The following C11orf65 variants were observed in gnomAD, a reference collection of about 807,000 sequenced individuals.
C11orf65 encodes protein MFI.
In C11orf65, 38 loss-of-function variants were observed where a neutral mutation model predicts 35.3. The observed-to-expected ratio is 1.08, with a 90% CI of 0.83 to 1.41. C11orf65 has a LOEUF of 1.41. Ranked by LOEUF, C11orf65 falls within the 40% of genes most tolerant of loss-of-function variation. The pLI is 0.00. For synonymous variants in C11orf65, 105 were observed against 114.4 expected (o/e 0.92, Z 0.53); for missense variants, 370 against 367.1 (o/e 1.01, Z -0.06).
chr11:108,427,449 C>CA (rs1565681803), intron 3 of C11orf65, among the ~76,000 whole-genome samples: 4 of 398 alleles, frequency 0.01, no homozygotes, highest in African/African-American at 0.017. Context: ...CGGCCGGGCG[C>CA]GGGCTGACGC....
At chr11:108,409,394 T>C (rs2092615358) in intron 3 of C11orf65, among the ~76,000 whole-genome samples, 2 of 152,156 alleles carry the variant, frequency 1.3e-5, no homozygotes, top group South Asian at 4.1e-4. Flanking sequence ...ATGAGGTATA[T>C]ATGGTATGTA....
chr11:108,374,931 T>C (rs1005867014), intron 2 of C11orf65, among the ~76,000 whole-genome samples: 8 of 151,912 alleles, frequency 5.3e-5, no homozygotes, highest in African/African-American at 1.7e-4. Context: ...AAGGGAAGTT[T>C]AGAGAAAAAA....
chr11:108,364,883 A>G (rs984648531), intron 2 of C11orf65, among the ~76,000 whole-genome samples: 1 of 152,224 alleles, frequency 6.6e-6, no homozygotes, highest in African/African-American at 2.4e-5. Flanking sequence ...GGAAGAATGA[A>G]TTCAGAATGA....
At chr11:108,323,813 T>C (rs557446552) in intron 6 of C11orf65, among the ~76,000 whole-genome samples, 78 of 152,326 alleles carry the variant, frequency 5.1e-4, no homozygotes, top group African/African-American at 1.8e-3. Context: ...CAAATGCTTA[T>C]GCTCTCAGAT....
intron 2 of C11orf65, among the ~76,000 whole-genome samples, chr11:108,441,313 A>G (rs1426387638): frequency 6.6e-6 from 1 of 152,234 alleles, no homozygotes; most frequent in Non-Finnish European, 1.5e-5. Context: ...AGGTAAACAA[A>G]GCAGCCGGGA....
Position 108,333,954 on chromosome 11 carries a change from A to G in C11orf65, c.299+1266T>C, listed in dbSNP as rs745775382. ...GAATTTAGAAGATGTTGTTGTCCCT[A>G]CTATGGAAATTAAGGTAATTTGCAA... is the stretch of plus-strand genomic sequence containing the variant. On this transcript the variant is annotated intron_variant, in intron 3 of 3. Coordinates refer to the C11orf65 transcript ENST00000524755. The G allele has an allele frequency of 2.5e-6, 4 of 1,609,918 alleles. No homozygotes were observed. Among genetic ancestry groups the G allele is most frequent in the Non-Finnish European group, 3.4e-6 (4 of 1,176,448 alleles).
intron 6 of C11orf65, among the ~76,000 whole-genome samples, chr11:108,403,419 TG>T (rs369472729): frequency 0.023 from 3,063 of 134,942 alleles, 239 homozygotes; most frequent in African/African-American, 0.059. Context: ...GTTTTTTTTT[TG>T]TTTTTTTTTT....
chr11:108,401,480 G>A lies in C11orf65; in HGVS notation c.560+3949C>T, dbSNP rs147930142. 4.3e-3 allele frequency among the ~76,000 whole-genome samples: 652 copies of A among 152,292 alleles called. 5 individuals are homozygous for A. The highest frequency in any genetic ancestry group is 0.011 in the East Asian group (55 of 5,176). ...CTTTCCCAGGCATTGTGAAGACCCT[G>A]TTTCTCTAGCTGTGCAGCTGCAAGG... On this transcript the variant is annotated intron_variant, in intron 6 of 8. Coordinates refer to ENST00000393084, the MANE Select transcript of C11orf65 (RefSeq NM_152587.5).
At chr11:108,433,284 G>T (rs1565689524) in intron 2 of C11orf65, among the ~76,000 whole-genome samples, 1 of 148,712 alleles carries the variant, frequency 6.7e-6, no homozygotes, top group East Asian at 1.9e-4. Flanking sequence ...GATATATATA[G>T]ATATATATAT....
chr11:108,458,039 A>C (rs2093428364), intron 2 of C11orf65, among the ~76,000 whole-genome samples: 1 of 152,068 alleles, frequency 6.6e-6, no homozygotes, highest in Non-Finnish European at 1.5e-5. Flanking sequence ...TTTTTTCTAA[A>C]TCCAGCCTCT....
chr11:108,465,955 C>A (rs1310171600), intron 1 of C11orf65, among the ~76,000 whole-genome samples: 1 of 150,320 alleles, frequency 6.7e-6, no homozygotes, highest in African/African-American at 2.4e-5. Context: ...ACTACTCCAG[C>A]CTGGGCAACA....
chr11:108,393,440 A>G (rs1193039352), intron 6 of C11orf65, 62 bp from the exon 7 acceptor site: 5 of 1,426,242 alleles, frequency 3.5e-6, no homozygotes, highest in Middle Eastern at 1.8e-4. Flanking sequence ...AAGTAGATAC[A>G]GGCAATATAT....
rs935394929 is a variant in C11orf65, at chr11:108,425,009, T to A, written c.174+6737A>T. On this transcript the variant is annotated intron_variant, in intron 3 of 8. Transcript: ENST00000393084. ...TTCCCAGGAAACAGCTAAAGCAGTGTTTAGAGGGAAATTTATAGCACTAAA... is the reference window on the plus strand; with the variant it reads ...TTCCCAGGAAACAGCTAAAGCAGTGATTAGAGGGAAATTTATAGCACTAAA... 2.0e-5 allele frequency among the ~76,000 whole-genome samples: 3 copies of A among 152,150 alleles called. No individual in the cohort carries two copies. The East Asian group carries it at 5.8e-4, about 29-fold the overall frequency.
chr11:108,446,994 TA>T (rs1002928707), intron 2 of C11orf65, among the ~76,000 whole-genome samples: 25 of 152,042 alleles, frequency 1.6e-4, no homozygotes, highest in African/African-American at 4.8e-4. Context: ...TAGTCTCTGA[TA>T]AAACAGACTT....
chr11:108,449,713 G>C (rs1339673186), intron 2 of C11orf65, among the ~76,000 whole-genome samples: 2 of 151,916 alleles, frequency 1.3e-5, no homozygotes, highest in African/African-American at 4.9e-5. Context: ...TACCATTCAG[G>C]ACATAGGCAT....
intron 3 of C11orf65, among the ~76,000 whole-genome samples, chr11:108,413,184 T>TA (rs1466354745): frequency 2.0e-5 from 3 of 152,206 alleles, no homozygotes; most frequent in Non-Finnish European, 4.4e-5. Flanking sequence ...AAACACACCT[T>TA]AATACACTTT....
intron 3 of C11orf65, among the ~76,000 whole-genome samples, chr11:108,430,387 C>T (rs917364474): frequency 3.3e-5 from 5 of 150,956 alleles, no homozygotes; most frequent in African/African-American, 4.9e-5. Context: ...GATCCGCCCG[C>T]CTCGGCCTCC....
chr11:108,410,175 G>A (rs1326941565), intron 3 of C11orf65, among the ~76,000 whole-genome samples: 1 of 152,120 alleles, frequency 6.6e-6, no homozygotes, highest in African/African-American at 2.4e-5. Flanking sequence ...AGCAATATAT[G>A]AGTTCTGGTT....
At chr11:108,344,226 AAGTGC>A (rs1365418435) in intron 2 of C11orf65, among the ~76,000 whole-genome samples, 2 of 152,168 alleles carry the variant, frequency 1.3e-5, no homozygotes, top group African/African-American at 2.4e-5. Flanking sequence ...ATGGAGGAGG[AAGTGC>A]TTAGTTCTGC....
Sources: allele counts gnomAD v4.1 joint callset (sites outside exome capture counted in the v4.1 genomes callset), GRCh38; gene constraint gnomAD v4.1.1; transcripts MANE v1.5; gene names NCBI Gene and HGNC (gene_info 2026-07-23, HGNC 2026-07-21).